Variants in CNBD1 observed in about 807,000 individuals in gnomAD.
CNBD1 encodes the protein cyclic nucleotide-binding domain-containing protein 1.
CNBD1 carries 71 observed loss-of-function variants against 54.4 expected under a neutral mutation model. The observed-to-expected ratio is 1.30, with a 90% CI of 1.08 to 1.59. CNBD1 has a LOEUF of 1.59. Among genes scored for constraint, CNBD1 ranks in the 40% most tolerant of loss-of-function variants. The probability of loss-of-function intolerance (pLI) is 0.00; values close to 1 mark genes in which losing one functional copy is unlikely to be tolerated. For missense variants in CNBD1, 659 were observed against 518.0 expected, an observed-to-expected ratio of 1.27 and a Z score of -2.64; for synonymous variants, 182 against 170.7, an observed-to-expected ratio of 1.07 and a Z score of -0.51.
chr8:87,050,950 G>T (rs1810298893), intron 4 of CNBD1, among the ~76,000 whole-genome samples: 1 of 152,110 alleles, frequency 6.6e-6, no homozygotes, highest in Non-Finnish European at 1.5e-5. Flanking sequence ...AGGTGAATCT[G>T]GACTGGTATA....
chr8:86,999,912 G>A (rs772934359), intron 4 of CNBD1, among the ~76,000 whole-genome samples: 16 of 152,138 alleles, frequency 1.1e-4, no homozygotes, highest in Admixed American at 7.9e-4. Flanking sequence ...AGCGTGTTGC[G>A]CCCACATATT....
chr8:87,028,871 T>C (rs1470857260), intron 4 of CNBD1, among the ~76,000 whole-genome samples: 1 of 152,360 alleles, frequency 6.6e-6, no homozygotes, highest in African/African-American at 2.4e-5. Context: ...ACAAAAACCA[T>C]TGACTTGGTT....
intron 10 of CNBD1, among the ~76,000 whole-genome samples, chr8:87,376,689 T>G (rs1810947608): frequency 6.6e-6 from 1 of 152,008 alleles, no homozygotes; most frequent in Non-Finnish European, 1.5e-5. Context: ...TTTTTCTGCA[T>G]TATTTCATTT....
chr8:87,146,303 T>C (rs1012917972), intron 4 of CNBD1, among the ~76,000 whole-genome samples: 2 of 152,132 alleles, frequency 1.3e-5, no homozygotes, highest in Non-Finnish European at 2.9e-5. Context: ...GTTAATCAAA[T>C]TATCTATACT....
chr8:87,117,024 G>A (rs1404391278), intron 4 of CNBD1, among the ~76,000 whole-genome samples: 1 of 152,088 alleles, frequency 6.6e-6, no homozygotes, highest in Non-Finnish European at 1.5e-5. Flanking sequence ...CCCTACCACG[G>A]TGTATGGCAC....
intron 3 of CNBD1, among the ~76,000 whole-genome samples, chr8:86,930,887 G>C (rs545518099): frequency 6.6e-6 from 1 of 152,162 alleles, no homozygotes. Flanking sequence ...GTAAGGAAAA[G>C]CGGTGGGGTC....
intron 10 of CNBD1, among the ~76,000 whole-genome samples, chr8:87,373,353 C>G (rs1171487432): frequency 6.6e-6 from 1 of 151,760 alleles, no homozygotes; most frequent in Non-Finnish European, 1.5e-5. Flanking sequence ...ACCCTAACCA[C>G]AAGTAACATA....
At chr8:86,982,022 T>C (rs1415390350) in intron 4 of CNBD1, among the ~76,000 whole-genome samples, 4 of 152,214 alleles carry the variant, frequency 2.6e-5, no homozygotes, top group Non-Finnish European at 5.9e-5. Flanking sequence ...GTTTCACTAC[T>C]GTTGGCAATG....
chr8:87,115,108 T>C (rs1811741983), intron 4 of CNBD1, among the ~76,000 whole-genome samples: 1 of 152,216 alleles, frequency 6.6e-6, no homozygotes, highest in African/African-American at 2.4e-5. Context: ...TTACCAGAGA[T>C]GATATGCAAC....
At chr8:87,165,792 T>C (rs910003514) in intron 4 of CNBD1, among the ~76,000 whole-genome samples, 6 of 152,000 alleles carry the variant, frequency 3.9e-5, no homozygotes, top group Non-Finnish European at 7.4e-5. Context: ...ACTTTTTTAT[T>C]TTTTTGCATT....
intron 4 of CNBD1, among the ~76,000 whole-genome samples, chr8:87,197,270 G>A (rs1346462178): frequency 6.6e-6 from 1 of 152,194 alleles, no homozygotes; most frequent in Non-Finnish European, 1.5e-5. Context: ...GGTACAATGT[G>A]TGTAAACGGT....
intron 8 of CNBD1, among the ~76,000 whole-genome samples, chr8:87,289,576 G>A (rs891523727): frequency 6.6e-6 from 1 of 152,202 alleles, no homozygotes; most frequent in Admixed American, 6.5e-5. Flanking sequence ...GCTTATGTCA[G>A]TATGCCCCCA....
intron 4 of CNBD1, among the ~76,000 whole-genome samples, chr8:87,135,399 C>T (rs1812207385): frequency 6.6e-6 from 1 of 151,450 alleles, no homozygotes; most frequent in East Asian, 1.9e-4. Context: ...TAATCTTTTC[C>T]TTGCTTTAAC....
chr8:87,340,901 TTTTA>T (rs533740128), intron 8 of CNBD1, among the ~76,000 whole-genome samples: 1 of 152,084 alleles, frequency 6.6e-6, no homozygotes. Flanking sequence ...GTTTCTGAAG[TTTTA>T]TTTATTTATT....
intron 8 of CNBD1, among the ~76,000 whole-genome samples, chr8:87,345,808 A>G (rs1053627194): frequency 1.3e-5 from 2 of 152,192 alleles, no homozygotes; most frequent in African/African-American, 2.4e-5. Context: ...ATCAATAAAA[A>G]TCTTGATGAG....
chr8:87,318,288 C>T (rs1809443196), intron 8 of CNBD1, among the ~76,000 whole-genome samples: 1 of 151,824 alleles, frequency 6.6e-6, no homozygotes, highest in South Asian at 2.1e-4. Flanking sequence ...TTAAATTTTA[C>T]TTTGTTGGGT....
chr8:87,327,666 C>T (rs1406046672), intron 8 of CNBD1, among the ~76,000 whole-genome samples: 1 of 152,184 alleles, frequency 6.6e-6, no homozygotes, highest in African/African-American at 2.4e-5. Flanking sequence ...TCGGCTCGTG[C>T]CCGGTGCGCA....
In CNBD1 at chr8:87,382,710, C is replaced by T; in HGVS notation, c.*83C>T. On this transcript the variant is annotated 3_prime_UTR_variant, in exon 11 of 11. Coordinates refer to ENST00000518476, the MANE Select transcript of CNBD1 (RefSeq NM_173538.3). Reference sequence around the variant, plus strand: ...AATTGCATTCTGGAATACTATCAAACTACCAGCAATGAATTTGGTCTATTG... The same window carrying T: ...AATTGCATTCTGGAATACTATCAAATTACCAGCAATGAATTTGGTCTATTG... 4 of 1,068,058 alleles carry T rather than the reference C, an allele frequency of 3.7e-6. No individual in the cohort carries two copies. Among genetic ancestry groups the T allele is most frequent in the Non-Finnish European group, 5.5e-6 (4 of 727,470 alleles). The allele number at this position is 1,068,058 out of a possible 1,614,324, so 66.2% of individuals were successfully genotyped here.
intron 4 of CNBD1, among the ~76,000 whole-genome samples, chr8:86,967,228 G>C (rs1808101788): frequency 6.6e-6 from 1 of 152,184 alleles, no homozygotes; most frequent in African/African-American, 2.4e-5. Context: ...AGAGACACCT[G>C]GTCCTGTGCC....
Sources: gnomAD v4.1 joint callset for allele counts (sites outside exome capture counted in the v4.1 genomes callset) on GRCh38, gnomAD v4.1.1 for gene constraint, MANE v1.5 for transcripts, NCBI Gene and HGNC (gene_info 2026-07-23, HGNC 2026-07-21) for gene names.